Variants in SGCZ observed in about 807,000 individuals in gnomAD.
SGCZ encodes zeta-sarcoglycan.
A neutral mutation model predicts 41.3 loss-of-function variants in SGCZ; 40 were observed. The observed-to-expected ratio is 0.97, with a 90% CI of 0.75 to 1.26. The LOEUF (loss-of-function observed/expected upper bound fraction) is 1.26, where lower values mean the gene tolerates loss of function less well. Ranked by LOEUF, SGCZ falls within the 50% of genes most tolerant of loss-of-function variation. SGCZ has a pLI of 0.00. For synonymous variants in SGCZ, 206 were observed against 137.5 expected (o/e 1.50, Z -3.49); for missense variants, 552 against 369.8 (o/e 1.49, Z -4.04).
chr8:14,626,915 G>C (rs1806479566), intron 1 of SGCZ, among the ~76,000 whole-genome samples: 1 of 152,112 alleles, frequency 6.6e-6, no homozygotes. Flanking sequence ...TTATCTGTAG[G>C]TTGAGATAGC....
intron 5 of SGCZ, among the ~76,000 whole-genome samples, chr8:14,126,851 G>C (rs1802876409): frequency 6.6e-6 from 1 of 152,100 alleles, no homozygotes; most frequent in South Asian, 2.1e-4. Context: ...GGATGAAGCT[G>C]TAAGCCATCA....
At chr8:14,916,806 T>C (rs1007408250) in intron 1 of SGCZ, among the ~76,000 whole-genome samples, 1 of 152,144 alleles carries the variant, frequency 6.6e-6, no homozygotes, top group Non-Finnish European at 1.5e-5. Flanking sequence ...AGTATGTAAA[T>C]AGAGCCAAGG....
At chr8:14,537,457 T>C (rs1165705762) in intron 2 of SGCZ, among the ~76,000 whole-genome samples, 1 of 152,032 alleles carries the variant, frequency 6.6e-6, no homozygotes, top group East Asian at 1.9e-4. Flanking sequence ...TTATAAGCTA[T>C]TTCTTCAATA....
intron 2 of SGCZ, among the ~76,000 whole-genome samples, chr8:14,543,199 G>T (rs550757929): frequency 1.2e-4 from 18 of 152,044 alleles, no homozygotes; most frequent in African/African-American, 4.1e-4. Context: ...ACTTCAGAAT[G>T]CTTTGGTTTC....
At chr8:14,674,744 A>C (rs113844443) in intron 1 of SGCZ, among the ~76,000 whole-genome samples, 1,920 of 151,674 alleles carry the variant, frequency 0.013, 37 homozygotes, top group African/African-American at 0.032. Context: ...TGAGTTCTCA[A>C]GAGATCTGAT....
intron 1 of SGCZ, among the ~76,000 whole-genome samples, chr8:15,164,587 C>CT (rs751994299): frequency 6.0e-4 from 85 of 141,880 alleles, no homozygotes; most frequent in Admixed American, 1.3e-3. Flanking sequence ...CATTTTTAAA[C>CT]TTTTTTTTTT....
At chr8:14,351,501 G>C (rs963356665) in intron 2 of SGCZ, among the ~76,000 whole-genome samples, 1 of 151,368 alleles carries the variant, frequency 6.6e-6, no homozygotes, top group Non-Finnish European at 1.5e-5. Context: ...ATTTTACCCA[G>C]TGTTTGAATA....
intron 4 of SGCZ, among the ~76,000 whole-genome samples, chr8:14,205,501 G>T (rs897204606): frequency 2.6e-5 from 4 of 152,110 alleles, no homozygotes; most frequent in Non-Finnish European, 5.9e-5. Context: ...TCTAAACATT[G>T]CCGATGATGT....
intron 1 of SGCZ, among the ~76,000 whole-genome samples, chr8:15,153,586 G>T (rs1172106437): frequency 6.6e-6 from 1 of 152,206 alleles, no homozygotes; most frequent in South Asian, 2.1e-4. Context: ...CTCATGAAAG[G>T]CTTGGACTAT....
At chr8:14,438,035 C>A (rs536022117) in intron 2 of SGCZ, among the ~76,000 whole-genome samples, 11 of 151,916 alleles carry the variant, frequency 7.2e-5, no homozygotes, top group Non-Finnish European at 1.2e-4. Flanking sequence ...CCATAAACTA[C>A]TTTCTCAAAT....
At chr8:14,544,809 C>G (rs761031305) in intron 2 of SGCZ, among the ~76,000 whole-genome samples, 11 of 152,268 alleles carry the variant, frequency 7.2e-5, no homozygotes, top group Admixed American at 3.3e-4. Context: ...TGCTTTTGCC[C>G]TTTGCCTTGT....
intron 1 of SGCZ, among the ~76,000 whole-genome samples, chr8:14,943,687 G>A (rs1034110058): frequency 3.3e-5 from 5 of 152,052 alleles, no homozygotes; most frequent in African/African-American, 1.2e-4. Context: ...CAAGTAAAAA[G>A]CATGCCACTC....
chr8:14,168,728 A>T (rs1011090127), intron 4 of SGCZ, among the ~76,000 whole-genome samples: 13 of 152,080 alleles, frequency 8.5e-5, no homozygotes, highest in African/African-American at 3.1e-4. Context: ...GAGTTCTTTT[A>T]TTTTACCCTA....
At chr8:14,593,959 G>C (rs1381409498) in intron 1 of SGCZ, among the ~76,000 whole-genome samples, 1 of 151,984 alleles carries the variant, frequency 6.6e-6, no homozygotes, top group African/African-American at 2.4e-5. Context: ...TGGATCACTT[G>C]AGGTCAGGAG....
intron 1 of SGCZ, among the ~76,000 whole-genome samples, chr8:14,799,958 TA>T (rs1801266516): frequency 6.6e-6 from 1 of 152,294 alleles, no homozygotes; most frequent in Non-Finnish European, 1.5e-5. Flanking sequence ...GGTATTTTTG[TA>T]AAAAGTATTT....
chr8:14,230,765 G>GT (rs142088213), intron 4 of SGCZ, among the ~76,000 whole-genome samples: 34,136 of 149,058 alleles, frequency 0.23, 4,900 homozygotes, highest in South Asian at 0.37. Flanking sequence ...TTTGGTGGTG[G>GT]TGGGGGGGTG....
At chr8:14,201,374 C>T (rs760589143) in intron 4 of SGCZ, among the ~76,000 whole-genome samples, 15 of 152,096 alleles carry the variant, frequency 9.9e-5, no homozygotes, top group Non-Finnish European at 2.2e-4. Flanking sequence ...TGAAAAATAT[C>T]TAAATGTCCT....
At chr8:14,919,839 G>C (rs539078005) in intron 1 of SGCZ, among the ~76,000 whole-genome samples, 1 of 151,826 alleles carries the variant, frequency 6.6e-6, no homozygotes, top group African/African-American at 2.4e-5. Context: ...AATCACTTGA[G>C]CCCAGGAGGC....
At chr8:14,496,368 C>T (rs1219393596) in intron 2 of SGCZ, among the ~76,000 whole-genome samples, 1 of 152,114 alleles carries the variant, frequency 6.6e-6, no homozygotes, top group Non-Finnish European at 1.5e-5. Context: ...CATGCCTGGC[C>T]TCCTCTAGCA....
Sources: allele counts gnomAD v4.1 joint callset (sites outside exome capture counted in the v4.1 genomes callset), GRCh38; gene constraint gnomAD v4.1.1; transcripts MANE v1.5; gene names NCBI Gene and HGNC (gene_info 2026-07-23, HGNC 2026-07-21).